The following BAZ2B variants were observed in gnomAD, a reference collection of about 807,000 sequenced individuals.
BAZ2B encodes the protein bromodomain adjacent to zinc finger domain 2B.
Under a neutral mutation model 246.0 loss-of-function variants are expected in BAZ2B, and 91 were observed. That is an observed-to-expected ratio of 0.37 (90% confidence interval 0.31 to 0.44). The LOEUF (loss-of-function observed/expected upper bound fraction) is 0.44. Among genes scored for constraint, BAZ2B ranks in the 20% least tolerant of loss-of-function variants. BAZ2B has a pLI of 1.00. For missense variants in BAZ2B, 2,332 were observed against 2,533.7 expected, an observed-to-expected ratio of 0.92 and a Z score of 1.71; for synonymous variants, 855 against 860.0, an observed-to-expected ratio of 0.99 and a Z score of 0.10.
intron 27 of BAZ2B, among the ~76,000 whole-genome samples, chr2:159,351,299 CAT>C (rs1274835862): frequency 1.3e-5 from 2 of 151,986 alleles, no homozygotes; most frequent in African/African-American, 4.8e-5. Flanking sequence ...TGTCGATAAA[CAT>C]ATAACTTCAT....
intron 5 of BAZ2B, among the ~76,000 whole-genome samples, chr2:159,447,814 T>C (rs943619501): frequency 2.6e-5 from 4 of 152,182 alleles, no homozygotes; most frequent in African/African-American, 9.7e-5. Flanking sequence ...AGCATAACAC[T>C]ATAAAACTGT....
intron 34 of BAZ2B, among the ~76,000 whole-genome samples, chr2:159,328,548 G>C (rs2064128853): frequency 6.6e-6 from 1 of 152,120 alleles, no homozygotes; most frequent in Non-Finnish European, 1.5e-5. Context: ...GTGGGTTCTG[G>C]AACATGGGGC....
intron 34 of BAZ2B, among the ~76,000 whole-genome samples, chr2:159,326,817 T>C (rs2063778404): frequency 6.6e-6 from 1 of 152,142 alleles, no homozygotes; most frequent in African/African-American, 2.4e-5. Flanking sequence ...CCCCACCCTG[T>C]ATTCATAGAG....
chr2:159,448,599 AG>A (rs1190571150), intron 4 of BAZ2B, among the ~76,000 whole-genome samples, 190 bp from the exon 5 acceptor site: 1 of 152,214 alleles, frequency 6.6e-6, no homozygotes, highest in African/African-American at 2.4e-5. Flanking sequence ...TCTTCTCATT[AG>A]GTCAGTATCT....
At chr2:159,484,853 GC>G (rs1186737322) in intron 2 of BAZ2B, among the ~76,000 whole-genome samples, 2 of 152,068 alleles carry the variant, frequency 1.3e-5, no homozygotes, top group African/African-American at 4.8e-5. Flanking sequence ...AAAAAGTATA[GC>G]CACAGATTAA....
chr2:159,526,458 G>C (rs1353114822), intron 2 of BAZ2B, among the ~76,000 whole-genome samples: 1 of 151,924 alleles, frequency 6.6e-6, no homozygotes, highest in African/African-American at 2.4e-5. Flanking sequence ...GGAAATATTG[G>C]AAAATGAAAA....
chr2:159,552,828 G>A (rs947269335), intron 2 of BAZ2B, among the ~76,000 whole-genome samples: 1 of 152,050 alleles, frequency 6.6e-6, no homozygotes, highest in Non-Finnish European at 1.5e-5. Context: ...AGTAACCCTG[G>A]AGTAATAAAA....
At chr2:159,517,145 A>G (rs1456293484) in intron 2 of BAZ2B, among the ~76,000 whole-genome samples, 1 of 151,668 alleles carries the variant, frequency 6.6e-6, no homozygotes, top group Non-Finnish European at 1.5e-5. Flanking sequence ...GCAGTCTTTG[A>G]AAAAAAAATT....
rs2078923066 is a variant in BAZ2B at position 159,478,795 on chromosome 2, T to C, written c.-2-74A>G. 1.1e-5 allele frequency: 12 copies of C among 1,137,782 alleles called. 1 individual carries two copies. In the South Asian group the frequency reaches 3.2e-4, roughly 30 times the overall value. 70.5% of individuals were successfully genotyped at this position (1,137,782 alleles called of 1,614,324 possible). A position where few individuals can be genotyped will look rare whatever the true frequency, so the allele number is the denominator to read the frequency against. On this transcript the variant is annotated intron_variant, in intron 2 of 36. Transcript: ENST00000392783. ...TCAAAAGAATTCAACATAAACTTTTTGTATACTTTTAAAAATATAAAATAA... is the reference window on the plus strand; with the variant it reads ...TCAAAAGAATTCAACATAAACTTTTCGTATACTTTTAAAAATATAAAATAA...
chr2:159,397,073 C>A, intron 19 of BAZ2B: 1 of 1,410,940 alleles, frequency 7.1e-7, no homozygotes, highest in Non-Finnish European at 9.5e-7. Flanking sequence ...CATACCCATA[C>A]CATATCTAGT....
intron 33 of BAZ2B, among the ~76,000 whole-genome samples, chr2:159,333,698 A>T (rs4665058): frequency 6.6e-6 from 1 of 152,130 alleles, no homozygotes; most frequent in South Asian, 2.1e-4. Flanking sequence ...AAAATAGCTT[A>T]ACTGTTCCAA....
chr2:159,481,789 A>G (rs971365899), intron 2 of BAZ2B, among the ~76,000 whole-genome samples: 1 of 145,890 alleles, frequency 6.9e-6, no homozygotes, highest in Non-Finnish European at 1.5e-5. Flanking sequence ...TGAAAGAAAG[A>G]AAAAAAAAAA....
At chr2:159,574,047 C>T (rs1684653235) in intron 1 of BAZ2B, among the ~76,000 whole-genome samples, 1 of 151,642 alleles carries the variant, frequency 6.6e-6, no homozygotes, top group Non-Finnish European at 1.5e-5. Context: ...CTACAGTGAG[C>T]CATGATGTGC....
At chr2:159,457,727 G>A (rs2075952291) in intron 3 of BAZ2B, among the ~76,000 whole-genome samples, 2 of 151,884 alleles carry the variant, frequency 1.3e-5, no homozygotes, top group African/African-American at 4.8e-5. Context: ...TTATTTCTCA[G>A]CACCACCTCC....
At chr2:159,467,423 C>T (rs1338015909) in intron 3 of BAZ2B, among the ~76,000 whole-genome samples, 1 of 152,122 alleles carries the variant, frequency 6.6e-6, no homozygotes, top group Non-Finnish European at 1.5e-5. Flanking sequence ...GGGCCTTTCC[C>T]CCCCAGGTTT....
intron 13 of BAZ2B, among the ~76,000 whole-genome samples, chr2:159,418,853 T>C (rs1480880414): frequency 6.6e-6 from 1 of 152,174 alleles, no homozygotes; most frequent in South Asian, 2.1e-4. Flanking sequence ...TGTAAGTGAA[T>C]GGAAGGACTT....
At position 159,382,616 on chromosome 2, in the gene BAZ2B, C is replaced by A. The variant is rs538201332; in HGVS notation, c.3948G>T (p.Glu1316Asp). The change falls in exon 25 of 37, where the codon GAG becomes GAT. Residue 1316 changes from glutamate (E) to aspartate (D), a missense_variant. This residue lies in a region of BAZ2B where 676 missense variants were observed against 668.6 expected (regional missense o/e 1.01). Coordinates refer to ENST00000392783, the MANE Select transcript of BAZ2B (RefSeq NM_013450.4). Reference sequence around the variant, plus strand: ...TTTTGTCTTCTTTATCTTCTTCATCCTCATCATCTTCATCCCCTTGGTCAT... The same window carrying A: ...TTTTGTCTTCTTTATCTTCTTCATCATCATCATCTTCATCCCCTTGGTCAT... ...DSDDQGDEDD[E>D]DEEDKEDKKG... 3.2e-6 allele frequency: 5 copies of A among 1,564,274 alleles called. No homozygotes were observed. The African/African-American group carries it at 6.8e-5, about 21-fold the overall frequency.
chr2:159,478,861 T>C, intron 2 of BAZ2B, 140 bp from the exon 3 acceptor site: 1 of 572,056 alleles, frequency 1.7e-6, no homozygotes, highest in East Asian at 3.7e-5. Context: ...AAATATGGAG[T>C]AGATAAAAAC....
chr2:159,347,870 C>T (rs1008679085), intron 30 of BAZ2B, among the ~76,000 whole-genome samples: 2 of 151,942 alleles, frequency 1.3e-5, no homozygotes, highest in Non-Finnish European at 2.9e-5. Flanking sequence ...ACAGTAACAC[C>T]AACTTAAAAA....
Sources: allele counts gnomAD v4.1 joint callset (sites outside exome capture counted in the v4.1 genomes callset), GRCh38; gene constraint gnomAD v4.1.1; regional missense constraint gnomAD v4.1.1; transcripts MANE v1.5; gene names NCBI Gene and HGNC (gene_info 2026-07-23, HGNC 2026-07-21).